Variants in MAGI1 observed in about 807,000 individuals in gnomAD.
MAGI1 encodes membrane-associated guanylate kinase, WW and PDZ domain-containing protein 1.
MAGI1 carries 58 observed loss-of-function variants against 139.9 expected under a neutral mutation model. The ratio of observed to expected loss-of-function variants is 0.41; its 90% CI spans 0.34 to 0.52. MAGI1 has a LOEUF of 0.52. Ranked by LOEUF, MAGI1 falls within the 20% of genes least tolerant of loss-of-function variation. MAGI1 has a pLI of 0.12. For missense variants in MAGI1, 1,874 were observed against 1,901.6 expected (o/e 0.99, Z 0.27); for synonymous variants, 812 against 737.9 (o/e 1.10, Z -1.63).
intron 1 of MAGI1, among the ~76,000 whole-genome samples, chr3:65,714,738 T>C (rs9857646): frequency 0.41 from 61,592 of 151,852 alleles, 12,810 homozygotes; most frequent in African/African-American, 0.46. Context: ...TCATTTCTTC[T>C]CTGACATCAC....
At chr3:65,776,808 A>G (rs2038477312) in intron 1 of MAGI1, among the ~76,000 whole-genome samples, 1 of 152,116 alleles carries the variant, frequency 6.6e-6, no homozygotes, top group Non-Finnish European at 1.5e-5. Flanking sequence ...TTCATGAACA[A>G]AGAGTCATTC....
chr3:65,627,896 CAGA>C (rs773602538), intron 1 of MAGI1, among the ~76,000 whole-genome samples: 84 of 152,186 alleles, frequency 5.5e-4, no homozygotes, highest in Non-Finnish European at 9.0e-4. Flanking sequence ...CATGAGTTTA[CAGA>C]ATGTTAAGCA....
intron 5 of MAGI1, among the ~76,000 whole-genome samples, chr3:65,457,520 A>C (rs1949480790): frequency 1.3e-5 from 2 of 152,234 alleles, no homozygotes; most frequent in African/African-American, 4.8e-5. Context: ...TATAGTTTAC[A>C]GTATATAAGA....
intron 1 of MAGI1, among the ~76,000 whole-genome samples, chr3:65,682,358 A>G (rs77254872): frequency 0.022 from 3,328 of 152,316 alleles, 116 homozygotes; most frequent in African/African-American, 0.076. Flanking sequence ...GGTACTGGCA[A>G]AGGGAAAGAG....
intron 1 of MAGI1, among the ~76,000 whole-genome samples, chr3:65,654,366 C>T (rs924693659): frequency 6.6e-6 from 1 of 152,100 alleles, no homozygotes; most frequent in African/African-American, 2.4e-5. Context: ...GTAAAAATGT[C>T]CAGTGAATCT....
At chr3:65,833,244 G>A (rs1051057044) in intron 1 of MAGI1, among the ~76,000 whole-genome samples, 7 of 151,970 alleles carry the variant, frequency 4.6e-5, no homozygotes, top group Middle Eastern at 3.4e-3. Context: ...TAAACCTCCC[G>A]AGTAGCTGGG....
chr3:65,890,908 T>A (rs2060719441), intron 1 of MAGI1, among the ~76,000 whole-genome samples: 1 of 152,164 alleles, frequency 6.6e-6, no homozygotes, highest in Admixed American at 6.5e-5. Flanking sequence ...CCTCGTTTGT[T>A]TAGACAACAA....
chr3:65,790,709 G>A (rs1434816471), intron 1 of MAGI1, among the ~76,000 whole-genome samples: 1 of 152,202 alleles, frequency 6.6e-6, no homozygotes, highest in African/African-American at 2.4e-5. Context: ...TGACATTTCA[G>A]CTAACAACCT....
chr3:65,769,084 A>G (rs2037737629), intron 1 of MAGI1, among the ~76,000 whole-genome samples: 1 of 152,242 alleles, frequency 6.6e-6, no homozygotes, highest in African/African-American at 2.4e-5. Flanking sequence ...CTTTTTAAAA[A>G]AATTGCAAAA....
chr3:65,725,338 G>T (rs567550797), intron 1 of MAGI1, among the ~76,000 whole-genome samples: 1 of 152,036 alleles, frequency 6.6e-6, no homozygotes, highest in African/African-American at 2.4e-5. Flanking sequence ...GAGAGTAATG[G>T]GACCTATCTC....
chr3:65,991,670 T>C (rs545531675), intron 1 of MAGI1, among the ~76,000 whole-genome samples: 1 of 152,276 alleles, frequency 6.6e-6, no homozygotes, highest in East Asian at 1.9e-4. Flanking sequence ...TTGATCTAGA[T>C]ATCTTTCTTG....
intron 1 of MAGI1, among the ~76,000 whole-genome samples, chr3:65,798,788 C>T (rs1477169098): frequency 6.6e-6 from 1 of 152,114 alleles, no homozygotes; most frequent in Non-Finnish European, 1.5e-5. Flanking sequence ...CAGAAATAAA[C>T]AATTCATAAG....
chr3:65,835,986 G>A (rs2042782757), intron 1 of MAGI1, among the ~76,000 whole-genome samples: 1 of 152,140 alleles, frequency 6.6e-6, no homozygotes, highest in Non-Finnish European at 1.5e-5. Context: ...CATCACTGCA[G>A]GCAAGCAAGC....
chr3:65,460,080 C>T (rs1266968213), intron 5 of MAGI1, among the ~76,000 whole-genome samples: 1 of 152,164 alleles, frequency 6.6e-6, no homozygotes, highest in South Asian at 2.1e-4. Context: ...AAAGAAATTT[C>T]CCTTAATTCC....
chr3:65,782,920 A>AG (rs1491531218), intron 1 of MAGI1, among the ~76,000 whole-genome samples: 3 of 151,036 alleles, frequency 2.0e-5, no homozygotes, highest in Non-Finnish European at 2.9e-5. Context: ...AAAAAAAAAA[A>AG]GAGAAAAATC....
chr3:65,405,919 G>A (rs1346308947), intron 12 of MAGI1, among the ~76,000 whole-genome samples: 2 of 151,674 alleles, frequency 1.3e-5, no homozygotes, highest in Admixed American at 6.6e-5. Flanking sequence ...GTAGAGATGG[G>A]GTTTCACCAT....
At chr3:65,831,490 G>A (rs1000008882) in intron 1 of MAGI1, among the ~76,000 whole-genome samples, 8 of 152,150 alleles carry the variant, frequency 5.3e-5, no homozygotes, top group East Asian at 1.9e-4. Context: ...CCACATACAC[G>A]GTTGAACTTA....
At chr3:65,433,097 T>C (rs560367435) in intron 10 of MAGI1, among the ~76,000 whole-genome samples, 1 of 152,298 alleles carries the variant, frequency 6.6e-6, no homozygotes, top group South Asian at 2.1e-4. Context: ...GTTAGCTCCA[T>C]GAGGATTTTT....
chr3:65,455,245 A>G (rs1380338147), intron 5 of MAGI1, among the ~76,000 whole-genome samples: 2 of 152,214 alleles, frequency 1.3e-5, no homozygotes, highest in Non-Finnish European at 2.9e-5. Flanking sequence ...GACAACTAGG[A>G]TACTGATACT....
Sources: allele counts gnomAD v4.1 joint callset (sites outside exome capture counted in the v4.1 genomes callset), GRCh38; gene constraint gnomAD v4.1.1; transcripts MANE v1.5; gene names NCBI Gene and HGNC (gene_info 2026-07-23, HGNC 2026-07-21).